GALNT9: variants seen among roughly 807,000 people sequenced by gnomAD.
GALNT9 encodes the protein polypeptide N-acetylgalactosaminyltransferase 9.
Under a neutral mutation model 63.1 loss-of-function variants are expected in GALNT9, and 47 were observed. The observed-to-expected ratio is 0.75, with a 90% CI of 0.59 to 0.95. The LOEUF (loss-of-function observed/expected upper bound fraction) is 0.95, where lower values mean the gene tolerates loss of function less well. GALNT9 is among the 40% of genes least tolerant of loss of function. The pLI, the probability that GALNT9 is intolerant of heterozygous loss-of-function variation, is 0.00. For synonymous variants in GALNT9, 396 were observed against 365.7 expected (o/e 1.08, Z -0.94); for missense variants, 829 against 874.8 (o/e 0.95, Z 0.66).
intron 6 of GALNT9, among the ~76,000 whole-genome samples, chr12:132,215,332 G>C (rs191288056): frequency 1.5e-3 from 224 of 152,370 alleles, no homozygotes; most frequent in African/African-American, 5.1e-3. Flanking sequence ...CCACACACGA[G>C]ACACAGTCAG....
At chr12:132,209,675 A>T (rs990913742) in intron 6 of GALNT9, among the ~76,000 whole-genome samples, 10 of 152,266 alleles carry the variant, frequency 6.6e-5, no homozygotes, top group South Asian at 4.2e-4. Flanking sequence ...CTGCTAAAAG[A>T]CACTCCCCCC....
chr12:132,250,222 C>T (rs1197614162), intron 5 of GALNT9, among the ~76,000 whole-genome samples: 3 of 151,722 alleles, frequency 2.0e-5, no homozygotes, highest in Non-Finnish European at 4.4e-5. Context: ...CGTCCGCATG[C>T]AAGGAACAGA....
Position 132,238,338 on chromosome 12 carries a change from G to C in GALNT9, c.1077+9572C>G, listed in dbSNP as rs1555236514. Among the ~76,000 whole-genome samples, 1 of 152,052 alleles carries C rather than the reference G, an allele frequency of 6.6e-6. No homozygotes were observed. The highest frequency in any genetic ancestry group is 6.5e-5 in the Admixed American group (1 of 15,284). ...GGTCACTGGCGAGGGGGACAGAGCTGGATGGGGGGCTTCAGGAGGGGCCGG... is the reference window on the plus strand; with the variant it reads ...GGTCACTGGCGAGGGGGACAGAGCTCGATGGGGGGCTTCAGGAGGGGCCGG... On this transcript the variant is annotated intron_variant, in intron 6 of 10. Transcript: ENST00000328957. This position sits in a 1 kb window ranked among gnomAD's most constrained non-coding sequence, Gnocchi z 6.5.
In GALNT9 at chr12:132,261,225, A is replaced by G. The variant is rs1044876347; in HGVS notation, c.587-103T>C. 3.5e-5 allele frequency: 52 copies of G among 1,501,140 alleles called. No homozygotes were observed. In the African/African-American group the frequency reaches 4.4e-4, roughly 13 times the overall value. 93.0% of individuals were successfully genotyped at this position (1,501,140 alleles called of 1,614,324 possible). ...TGCGTGCCGCGTGTGGGATGGGTGTATTGTAAACATTCTCTTAGGACCCAC... is the reference window on the plus strand; with the variant it reads ...TGCGTGCCGCGTGTGGGATGGGTGTGTTGTAAACATTCTCTTAGGACCCAC... On this transcript the variant is annotated intron_variant, in intron 3 of 10. Transcript: ENST00000328957.
chr12:132,210,931 G>A (rs1401335958), intron 6 of GALNT9, among the ~76,000 whole-genome samples: 3 of 152,020 alleles, frequency 2.0e-5, no homozygotes, highest in African/African-American at 7.2e-5. Context: ...CTGCCGGCCT[G>A]ACTCACAACA....
chr12:132,265,705 A>G lies in GALNT9; in HGVS notation c.420-3080T>C, dbSNP rs1879569747. Among the ~76,000 whole-genome samples the G allele has an allele frequency of 6.6e-6, 1 of 152,178 alleles. No homozygotes were observed. Among genetic ancestry groups the G allele is most frequent in the African/African-American group, 2.4e-5 (1 of 41,434 alleles). ...AATGAAGATACCTTATTCCTGATGT[A>G]GCTTCCCCAATCTCCAGCCAGTCAG... On this transcript the variant is annotated intron_variant, in intron 2 of 10. Coordinates refer to ENST00000328957, the MANE Select transcript of GALNT9 (RefSeq NM_001122636.2). This position sits in a 1 kb window ranked among gnomAD's most constrained non-coding sequence, Gnocchi z 5.3.
chr12:132,273,129 T>G (rs1879930530), intron 2 of GALNT9: 1 of 152,290 alleles, frequency 6.6e-6, no homozygotes, highest in Admixed American at 6.5e-5. Context: ...TCTTTCTTTC[T>G]TCTTTATTTT....
At chr12:132,253,707 T>TA (rs1315785785) in intron 5 of GALNT9, among the ~76,000 whole-genome samples, 1 of 152,226 alleles carries the variant, frequency 6.6e-6, no homozygotes, top group Non-Finnish European at 1.5e-5. Flanking sequence ...GGCACCTAGG[T>TA]AATCCTTTGC....
intron 6 of GALNT9, chr12:132,205,464 C>G (rs1024534362): frequency 1.3e-5 from 2 of 152,452 alleles, no homozygotes; most frequent in African/African-American, 4.8e-5. Flanking sequence ...CAGCTAACGC[C>G]AGGCTCCCTG....
chr12:132,248,020 C>G lies in GALNT9; in HGVS notation c.967G>C (p.Ala323Pro). The G allele has an allele frequency of 6.5e-7, 1 of 1,550,016 alleles. No individual in the cohort carries two copies. Among genetic ancestry groups the G allele is most frequent in the Non-Finnish European group, 8.7e-7 (1 of 1,146,122 alleles). Reference sequence around the variant, plus strand: ...ACTACGAAGGAGCAGCCGATCATGGCTGGGGTCCTGGGAGGCAGAGACAGC... The same window carrying G: ...ACTACGAAGGAGCAGCCGATCATGGGTGGGGTCCTGGGAGGCAGAGACAGC... ...GDESAPIRTP[A>P]MIGCSFVVDR... Residue 323 changes from alanine (A) to proline (P), a missense_variant, in exon 6 of 11, where the codon GCC (alanine) becomes CCC (proline). Physicochemically the swap from Ala to Pro is conservative, Grantham distance 27. Transcript: ENST00000328957.
At chr12:132,271,706 G>A (rs1480333808) in intron 2 of GALNT9, among the ~76,000 whole-genome samples, 3 of 152,162 alleles carry the variant, frequency 2.0e-5, no homozygotes, top group Non-Finnish European at 2.9e-5. Flanking sequence ...GGACCCTGCC[G>A]AAGGCTGTTT....
At chr12:132,312,323 T>G (rs1432304913) in intron 1 of GALNT9, among the ~76,000 whole-genome samples, 1 of 152,240 alleles carries the variant, frequency 6.6e-6, no homozygotes, top group Non-Finnish European at 1.5e-5. Context: ...GGAGAAGGAT[T>G]TCCTGGCCCT....
intron 4 of GALNT9, among the ~76,000 whole-genome samples, chr12:132,258,671 A>G (rs551740206): frequency 3.9e-4 from 59 of 152,308 alleles, no homozygotes; most frequent in Non-Finnish European, 7.2e-4. Context: ...GGACAGAGCG[A>G]TGGGGCAATG....
intron 1 of GALNT9, among the ~76,000 whole-genome samples, chr12:132,322,221 G>A (rs1555246222): frequency 1.3e-5 from 2 of 152,180 alleles, no homozygotes; most frequent in Admixed American, 6.5e-5. Flanking sequence ...ATTCGTCCAC[G>A]TCACTCAGGC....
chr12:132,328,909 G>C (rs1008442190), intron 1 of GALNT9, 57 bp downstream of exon 1: 4 of 1,438,108 alleles, frequency 2.8e-6, no homozygotes, highest in Non-Finnish European at 9.1e-7. Flanking sequence ...ATCGCGCCCG[G>C]GGTGGCCACT....
In GALNT9 at chr12:132,281,247, C is replaced by T. The variant is rs148469934; in HGVS notation, c.419+5003G>A. Among the ~76,000 whole-genome samples the T allele has an allele frequency of 4.3e-4, 66 of 152,342 alleles. No homozygotes were observed. The East Asian group carries it at 0.012, about 29-fold the overall frequency. On this transcript the variant is annotated intron_variant, in intron 2 of 10. Transcript: ENST00000328957. Reference sequence around the variant, plus strand: ...TGGTACGCTTGTGAGGGCTGTTGCACGTGAACAATTCCCTGTGATACATTC... The same window carrying T: ...TGGTACGCTTGTGAGGGCTGTTGCATGTGAACAATTCCCTGTGATACATTC...
intron 3 of GALNT9, among the ~76,000 whole-genome samples, chr12:132,261,350 C>CCAGA (rs150349499): frequency 1.3e-5 from 2 of 152,140 alleles, no homozygotes; most frequent in Non-Finnish European, 2.9e-5. Flanking sequence ...AGGAAACACA[C>CCAGA]CAGACAGACA....
At chr12:132,320,259 C>T (rs1286849814) in intron 1 of GALNT9, among the ~76,000 whole-genome samples, 1 of 152,134 alleles carries the variant, frequency 6.6e-6, no homozygotes, top group Non-Finnish European at 1.5e-5. Flanking sequence ...ACAGAACGCC[C>T]GGGGAGGGTG....
At chr12:132,240,605 T>G in intron 6 of GALNT9, 1 of 455,748 alleles carries the variant, frequency 2.2e-6, no homozygotes, top group Non-Finnish European at 4.4e-6. Context: ...GCTCCGTGCG[T>G]GGCCCCGGGG....
Sources: gnomAD v4.1 joint callset for allele counts (sites outside exome capture counted in the v4.1 genomes callset) on GRCh38, gnomAD v4.1.1 for gene constraint, Gnocchi (gnomAD v3.1) non-coding constraint, MANE v1.5 for transcripts, NCBI Gene and HGNC (gene_info 2026-07-23, HGNC 2026-07-21) for gene names.